KLHL4: variants seen among roughly 807,000 people sequenced by gnomAD.
KLHL4 encodes kelch-like protein 4.
KLHL4 carries 17 observed loss-of-function variants against 45.8 expected under a neutral mutation model. The ratio of observed to expected loss-of-function variants is 0.37; its 90% confidence interval spans 0.25 to 0.56. The LOEUF (loss-of-function observed/expected upper bound fraction) is 0.56. KLHL4 is among the 20% of genes least tolerant of loss of function. The pLI is 0.79. For synonymous variants in KLHL4, 224 were observed against 189.9 expected (o/e 1.18, Z -1.47); for missense variants, 544 against 544.9 (o/e 1.00, Z 0.02).
chrX:87,523,653 TATAAATAG>T (rs1931047345), intron 1 of KLHL4, among the ~76,000 whole-genome samples: 1 of 111,690 alleles, frequency 9.0e-6, no homozygotes, highest in African/African-American at 3.3e-5. Flanking sequence ...TCCATACTGA[TATAAATAG>T]ATGACTGAGT....
At chrX:87,633,338 G>T (rs193058477) in intron 7 of KLHL4, among the ~76,000 whole-genome samples, 178 of 111,985 alleles carry the variant, frequency 1.6e-3, no homozygotes, top group African/African-American at 5.5e-3. Flanking sequence ...AAACACCAGA[G>T]GTTATAAAGA....
At chrX:87,561,325 C>T (rs1212455707) in intron 1 of KLHL4, among the ~76,000 whole-genome samples, 2 of 110,707 alleles carry the variant, frequency 1.8e-5, no homozygotes, top group East Asian at 2.9e-4. Flanking sequence ...GCCCCCATTG[C>T]CCACGGTGCC....
chrX:87,658,909 A>G (rs1924083844), intron 9 of KLHL4, among the ~76,000 whole-genome samples: 1 of 110,842 alleles, frequency 9.0e-6, no homozygotes, highest in African/African-American at 3.3e-5. Context: ...TCTTGCTTAC[A>G]ATACTGTCTC....
intron 9 of KLHL4, among the ~76,000 whole-genome samples, chrX:87,660,224 G>A (rs1453266706): frequency 2.7e-5 from 3 of 111,336 alleles, no homozygotes; most frequent in Non-Finnish European, 5.6e-5. Context: ...TAGGGTACAA[G>A]CCTGACTACC....
chrX:87,635,836 G>T, intron 9 of KLHL4, 61 bp downstream of exon 9: 2 of 884,327 alleles, frequency 2.3e-6, no homozygotes, highest in Non-Finnish European at 3.1e-6. Context: ...TTTAGAAATA[G>T]AAAGATTTTT....
chrX:87,651,137 A>C (rs1288929329), intron 9 of KLHL4, among the ~76,000 whole-genome samples: 1 of 112,015 alleles, frequency 8.9e-6, no homozygotes, highest in Admixed American at 9.5e-5. Flanking sequence ...GTTGGAAATT[A>C]ACAAAATGGC....
intron 9 of KLHL4, among the ~76,000 whole-genome samples, chrX:87,664,506 A>T (rs773902523): frequency 8.9e-6 from 1 of 111,839 alleles, no homozygotes; most frequent in Non-Finnish European, 1.9e-5. Context: ...ATTTCCTCAA[A>T]GTTTATCTGA....
At chrX:87,625,869 T>G in intron 6 of KLHL4, 73 bp downstream of exon 6, 3 of 855,372 alleles carry the variant, frequency 3.5e-6, no homozygotes, top group Non-Finnish European at 3.3e-6. Context: ...AAGGGTGATA[T>G]TAAAGCCATG....
At chrX:87,649,886 C>T (rs1177828858) in intron 9 of KLHL4, among the ~76,000 whole-genome samples, 1 of 111,039 alleles carries the variant, frequency 9.0e-6, no homozygotes, top group Non-Finnish European at 1.9e-5. Flanking sequence ...TGTCTTTATG[C>T]CAGTACCTCA....
rs779820036 is a variant in KLHL4, at chrX:87,613,947, G to A, written c.493G>A (p.Ala165Thr). ...AGAGCAGTTCCATGTTATAAACCAC[G>A]CAGAGCAAACTCTTCGTAAAATGGA... ...SEEQFHVINH[A>T]EQTLRKMENY... The change falls in exon 2 of 11, where the codon GCA becomes ACA. Residue 165 changes from alanine (A) to threonine (T), a missense_variant. Physicochemically the swap from Ala to Thr is moderately conservative, Grantham distance 58. Transcript: ENST00000373119. 3.3e-5 allele frequency: 40 copies of A among 1,204,365 alleles called. No homozygotes were observed. The highest frequency in any genetic ancestry group is 5.9e-5 in the East Asian group (2 of 33,631).
chrX:87,651,551 G>A (rs746660056), intron 9 of KLHL4, among the ~76,000 whole-genome samples: 2 of 112,353 alleles, frequency 1.8e-5, no homozygotes, highest in South Asian at 3.6e-4. Flanking sequence ...AATGACCAAA[G>A]CAAAGGGGCT....
chrX:87,613,786 C>T (rs1381329105), intron 1 of KLHL4, 91 bp from the exon 2 acceptor site: 1 of 602,563 alleles, frequency 1.7e-6, no homozygotes. Context: ...GCCTAAATTT[C>T]CACTACATGT....
intron 1 of KLHL4, among the ~76,000 whole-genome samples, chrX:87,578,975 A>C (rs1179089345): frequency 8.9e-6 from 1 of 111,807 alleles, no homozygotes; most frequent in Non-Finnish European, 1.9e-5. Flanking sequence ...TCTAAATCTC[A>C]ATGTGCTATA....
chrX:87,590,418 G>A (rs960354371), intron 1 of KLHL4, among the ~76,000 whole-genome samples: 6 of 111,605 alleles, frequency 5.4e-5, no homozygotes, highest in East Asian at 2.8e-4. Flanking sequence ...TGTTTGTACT[G>A]TAAGTGATTT....
At chrX:87,625,495 T>C in intron 5 of KLHL4, 115 bp from the exon 6 acceptor site, 1 of 567,717 alleles carries the variant, frequency 1.8e-6, no homozygotes, top group African/African-American at 2.3e-5. Context: ...CCTCCCAAAG[T>C]GCTGGAATTA....
chrX:87,660,443 A>G (rs1421653960), intron 9 of KLHL4, among the ~76,000 whole-genome samples: 1 of 112,362 alleles, frequency 8.9e-6, no homozygotes, highest in Non-Finnish European at 1.9e-5. Flanking sequence ...TATAACATAA[A>G]CATATAATAT....
intron 1 of KLHL4, among the ~76,000 whole-genome samples, chrX:87,604,286 A>G (rs5922460): frequency 0.37 from 40,965 of 109,415 alleles, 5,921 homozygotes; most frequent in Middle Eastern, 0.45. Flanking sequence ...GGTATCTATC[A>G]GTCACATAGG....
chrX:87,539,757 A>G (rs1285929623), intron 1 of KLHL4, among the ~76,000 whole-genome samples: 1 of 111,204 alleles, frequency 9.0e-6, no homozygotes, highest in Non-Finnish European at 1.9e-5. Context: ...GCATTACTCT[A>G]TTTAGTAAAC....
intron 1 of KLHL4, among the ~76,000 whole-genome samples, chrX:87,589,796 G>C (rs1485542066): frequency 9.1e-6 from 1 of 110,491 alleles, no homozygotes; most frequent in Non-Finnish European, 1.9e-5. Flanking sequence ...TTGGGAGGCT[G>C]AGGCAGGTGG....
Sources: allele counts gnomAD v4.1 joint callset (sites outside exome capture counted in the v4.1 genomes callset), GRCh38; gene constraint gnomAD v4.1.1; transcripts MANE v1.5; gene names NCBI Gene and HGNC (gene_info 2026-07-23, HGNC 2026-07-21).